Variants in GSE1 observed in about 807,000 individuals in gnomAD.
GSE1 encodes the protein genetic suppressor element 1.
Under a neutral mutation model 112.6 loss-of-function variants are expected in GSE1, and 32 were observed. The observed-to-expected ratio is 0.28, with a 90% confidence interval of 0.21 to 0.38. The LOEUF is 0.38. Ranked by LOEUF, GSE1 falls within the 10% of genes least tolerant of loss-of-function variation. The pLI is 1.00. For missense variants in GSE1, 2,348 were observed against 1,699.2 expected (o/e 1.38, Z -6.71); for synonymous variants, 1,115 against 735.6 (o/e 1.52, Z -8.35).
rs2053632183 is a variant in GSE1 at position 85,675,497 on chromosome 16, A to C, written c.*2958A>C. On this transcript the variant is annotated 3_prime_UTR_variant, in exon 16 of 16. Coordinates refer to ENST00000253458, the MANE Select transcript of GSE1 (RefSeq NM_014615.5). ...CATTCTAATCTTAAAGGAATAAAGCACTGAATTGGGACTAACATTCTGATA... is the reference window on the plus strand; with the variant it reads ...CATTCTAATCTTAAAGGAATAAAGCCCTGAATTGGGACTAACATTCTGATA... 1 of 152,218 alleles carries C rather than the reference A, an allele frequency of 6.6e-6. No homozygotes were observed. The highest frequency in any genetic ancestry group is 6.5e-5 in the Admixed American group (1 of 15,278). The allele number at this position is 152,218 out of a possible 1,614,324, so 9.4% of individuals were successfully genotyped here.
At chr16:85,303,814 C>T (rs35612586) in intron 1 of GSE1, among the ~76,000 whole-genome samples, 5,573 of 152,322 alleles carry the variant, frequency 0.037, 184 homozygotes, top group African/African-American at 0.082. Context: ...GAACACAGGC[C>T]CTGGCCTGGC....
At chr16:85,529,695 G>A (rs1025769842) in intron 2 of GSE1, among the ~76,000 whole-genome samples, 1 of 152,222 alleles carries the variant, frequency 6.6e-6, no homozygotes, top group Non-Finnish European at 1.5e-5. Flanking sequence ...GGAATATGGA[G>A]GCCTGTTTGG....
intron 1 of GSE1, among the ~76,000 whole-genome samples, chr16:85,268,560 C>T (rs16975451): frequency 0.069 from 10,489 of 152,224 alleles, 549 homozygotes; most frequent in East Asian, 0.26. Flanking sequence ...CCTTCATCCT[C>T]GTTCAGGTGT....
chr16:85,278,531 C>A (rs2044762566), intron 1 of GSE1, among the ~76,000 whole-genome samples: 1 of 152,008 alleles, frequency 6.6e-6, no homozygotes, highest in African/African-American at 2.4e-5. Context: ...GTTTGTTTAC[C>A]CCAGATTTTT....
At chr16:85,303,527 G>A (rs1597341714) in intron 1 of GSE1, among the ~76,000 whole-genome samples, 1 of 152,242 alleles carries the variant, frequency 6.6e-6, no homozygotes, top group East Asian at 1.9e-4. Context: ...GGGGCCGCTG[G>A]ACTCGCTCAT....
intron 1 of GSE1, among the ~76,000 whole-genome samples, chr16:85,209,124 G>A (rs558936532): frequency 1.3e-5 from 2 of 152,266 alleles, no homozygotes; most frequent in African/African-American, 2.4e-5. Flanking sequence ...GTGTGTTGGG[G>A]TTTGCCGTGT....
At chr16:85,553,059 T>C (rs539201573), upstream of GSE1, among the ~76,000 whole-genome samples, 394 of 151,984 alleles carry the variant, frequency 2.6e-3, 1 homozygote, top group African/African-American at 8.3e-3. Context: ...CTTTTTTTTT[T>C]CCCCCAAGTA....
At chr16:85,183,921 G>A (rs1178182802) in intron 1 of GSE1, among the ~76,000 whole-genome samples, 1 of 152,220 alleles carries the variant, frequency 6.6e-6, no homozygotes, top group African/African-American at 2.4e-5. Context: ...TCATGAGGGT[G>A]AGACAAAGCT....
chr16:85,365,666 G>T (rs1015617816), intron 2 of GSE1, among the ~76,000 whole-genome samples: 1 of 152,186 alleles, frequency 6.6e-6, no homozygotes, highest in African/African-American at 2.4e-5. Context: ...GCAAAGGTTT[G>T]TAGAAGGCGA....
At chr16:85,231,777 T>C (rs1047828962) in intron 1 of GSE1, among the ~76,000 whole-genome samples, 7 of 152,228 alleles carry the variant, frequency 4.6e-5, no homozygotes, top group African/African-American at 1.7e-4. Flanking sequence ...ATCAAGGTTA[T>C]TTCTGCTCTT....
At chr16:85,514,366 CA>C (rs141796002) in intron 2 of GSE1, among the ~76,000 whole-genome samples, 23,593 of 138,696 alleles carry the variant, frequency 0.17, 2,259 homozygotes, top group South Asian at 0.19. Flanking sequence ...CGTGGGACAC[CA>C]CCCCCCCATC....
At chr16:85,337,946 C>T (rs1310966355) in intron 1 of GSE1, among the ~76,000 whole-genome samples, 1 of 152,248 alleles carries the variant, frequency 6.6e-6, no homozygotes, top group African/African-American at 2.4e-5. Flanking sequence ...GACTATGGAG[C>T]AGGTGACCTT....
chr16:85,444,833 A>G (rs1352476292), intron 2 of GSE1, among the ~76,000 whole-genome samples: 1 of 152,030 alleles, frequency 6.6e-6, no homozygotes, highest in East Asian at 1.9e-4. Context: ...CCAGCCTCCA[A>G]GGGACTGTTT....
At chr16:85,504,739 A>G (rs1034729114) in intron 2 of GSE1, among the ~76,000 whole-genome samples, 6 of 152,196 alleles carry the variant, frequency 3.9e-5, no homozygotes, top group African/African-American at 1.2e-4. Context: ...GGTTACAGAA[A>G]ACGTTGACTC....
At chr16:85,630,312 T>C (rs776596636) in intron 1 of GSE1, among the ~76,000 whole-genome samples, 5 of 152,342 alleles carry the variant, frequency 3.3e-5, no homozygotes, top group African/African-American at 9.6e-5. Context: ...AATTGGTCTC[T>C]ACCTCTTGAA....
At chr16:85,361,440 C>T (rs1429715250) in intron 2 of GSE1, among the ~76,000 whole-genome samples, 3 of 152,180 alleles carry the variant, frequency 2.0e-5, no homozygotes, top group African/African-American at 4.8e-5. Context: ...TGCCCATCCC[C>T]ACCACAGCCC....
chr16:85,345,468 T>C (rs953678663), intron 1 of GSE1, among the ~76,000 whole-genome samples: 6 of 152,194 alleles, frequency 3.9e-5, no homozygotes, highest in African/African-American at 1.4e-4. Flanking sequence ...CCATTGCGCT[T>C]GCTGTTCCTT....
At chr16:85,629,236 G>A (rs938867382) in intron 1 of GSE1, among the ~76,000 whole-genome samples, 1 of 152,186 alleles carries the variant, frequency 6.6e-6, no homozygotes, top group East Asian at 1.9e-4. Context: ...ACAGCCTCGG[G>A]TATTTCTTTA....
At chr16:85,611,215 T>G (rs1019722861), upstream of GSE1, among the ~76,000 whole-genome samples, 5 of 152,146 alleles carry the variant, frequency 3.3e-5, no homozygotes, top group Admixed American at 2.6e-4. Context: ...AATTTTGTTT[T>G]TAAGGCTCGG....
Sources: allele counts gnomAD v4.1 joint callset (sites outside exome capture counted in the v4.1 genomes callset), GRCh38; gene constraint gnomAD v4.1.1; transcripts MANE v1.5; gene names NCBI Gene and HGNC (gene_info 2026-07-23, HGNC 2026-07-21).